Variants in SLC9B1 observed in about 807,000 individuals in gnomAD.
SLC9B1 encodes sodium/hydrogen exchanger 9B1.
A neutral mutation model predicts 51.7 loss-of-function variants in SLC9B1; 32 were observed. The observed-to-expected ratio is 0.62, with a 90% CI of 0.47 to 0.83. The LOEUF (loss-of-function observed/expected upper bound fraction) is 0.83. Among genes scored for constraint, SLC9B1 ranks in the 40% least tolerant of loss-of-function variants. The pLI is 0.00. For synonymous variants in SLC9B1, 145 were observed against 212.7 expected, an observed-to-expected ratio of 0.68 and a Z score of 2.77; for missense variants, 406 against 613.2, an observed-to-expected ratio of 0.66 and a Z score of 3.57.
intron 1 of SLC9B1, among the ~76,000 whole-genome samples, chr4:102,997,607 TAA>T (rs1740295962): frequency 6.6e-6 from 1 of 152,148 alleles, no homozygotes; most frequent in Non-Finnish European, 1.5e-5. Flanking sequence ...TCAGCAAATA[TAA>T]GTTTTATTTC....
intron 9 of SLC9B1, among the ~76,000 whole-genome samples, chr4:102,908,104 A>G (rs1735142686): frequency 1.3e-5 from 2 of 152,304 alleles, no homozygotes; most frequent in African/African-American, 4.8e-5. Flanking sequence ...TTTAAAAAGA[A>G]GTATAATCTA....
chr4:102,896,476 A>C (rs961460330), downstream of SLC9B1, among the ~76,000 whole-genome samples: 8 of 152,224 alleles, frequency 5.3e-5, no homozygotes, highest in African/African-American at 1.9e-4. Flanking sequence ...AACTGGAAAG[A>C]GCAATAAAAA....
At chr4:102,964,688 A>T (rs556767943) in intron 3 of SLC9B1, among the ~76,000 whole-genome samples, 1 of 152,196 alleles carries the variant, frequency 6.6e-6, no homozygotes, top group African/African-American at 2.4e-5. Flanking sequence ...AGAATAAAGG[A>T]CAAAACCATA....
At chr4:103,005,722 C>A (rs568188221) in intron 1 of SLC9B1, among the ~76,000 whole-genome samples, 1 of 152,136 alleles carries the variant, frequency 6.6e-6, no homozygotes, top group African/African-American at 2.4e-5. Context: ...CAATTCTCAG[C>A]AAATTTAAAA....
chr4:102,974,567 C>T (rs1289020775), intron 3 of SLC9B1, among the ~76,000 whole-genome samples: 1 of 152,234 alleles, frequency 6.6e-6, no homozygotes, highest in Middle Eastern at 3.4e-3. Context: ...AAATGAACAA[C>T]TTCGTTGGCT....
At chr4:102,940,184 A>T (rs760568138) in intron 6 of SLC9B1, among the ~76,000 whole-genome samples, 6 of 152,210 alleles carry the variant, frequency 3.9e-5, no homozygotes, top group Non-Finnish European at 8.8e-5. Flanking sequence ...ATGTACAAAA[A>T]TCTGTAGCAT....
At chr4:102,923,540 A>G (rs1735993588) in intron 7 of SLC9B1, among the ~76,000 whole-genome samples, 1 of 152,332 alleles carries the variant, frequency 6.6e-6, no homozygotes, top group Non-Finnish European at 1.5e-5. Context: ...CCTATTCAAC[A>G]TAGTCTTGGA....
chr4:102,997,916 G>T (rs961235150), intron 1 of SLC9B1, among the ~76,000 whole-genome samples: 2 of 152,030 alleles, frequency 1.3e-5, no homozygotes, highest in African/African-American at 2.4e-5. Flanking sequence ...AAATTTAACT[G>T]TCATTCTTGC....
intron 1 of SLC9B1, among the ~76,000 whole-genome samples, chr4:103,001,661 C>G (rs1740530290): frequency 6.6e-6 from 1 of 151,344 alleles, no homozygotes; most frequent in Admixed American, 6.5e-5. Context: ...AACCATTCAA[C>G]AAGTCTCCAG....
At chr4:102,984,841 C>G (rs1739532812) in intron 3 of SLC9B1, among the ~76,000 whole-genome samples, 1 of 152,032 alleles carries the variant, frequency 6.6e-6, no homozygotes, top group Non-Finnish European at 1.5e-5. Flanking sequence ...TATAGTTTTG[C>G]CAGTTTTTAA....
chr4:103,013,596 T>C (rs577386112), intron 1 of SLC9B1, among the ~76,000 whole-genome samples: 40 of 152,344 alleles, frequency 2.6e-4, no homozygotes, highest in Admixed American at 2.4e-3. Flanking sequence ...CTATTTAGTA[T>C]ATCTAATTAC....
chr4:103,013,610 T>C (rs974903430), intron 1 of SLC9B1, among the ~76,000 whole-genome samples: 16 of 152,232 alleles, frequency 1.1e-4, no homozygotes, highest in Non-Finnish European at 1.9e-4. Flanking sequence ...TAATTACTTA[T>C]TGAATATCTC....
chr4:102,955,847 AAGAAAGAAAGAAAG>A (rs1421855668), intron 3 of SLC9B1, among the ~76,000 whole-genome samples: 8 of 74,780 alleles, frequency 1.1e-4, no homozygotes, highest in African/African-American at 6.0e-4. Context: ...GAGAGAGAGA[AAGAAAGAAAGAAAG>A]AAAGAAAGAA....
chr4:103,002,211 T>C (rs1008324920), intron 1 of SLC9B1, among the ~76,000 whole-genome samples: 3 of 152,212 alleles, frequency 2.0e-5, no homozygotes, highest in African/African-American at 7.2e-5. Flanking sequence ...ATATCAGGCA[T>C]ACCTTACCAT....
intron 3 of SLC9B1, among the ~76,000 whole-genome samples, chr4:102,959,440 A>T (rs1162690399): frequency 6.6e-6 from 1 of 152,218 alleles, no homozygotes; most frequent in Non-Finnish European, 1.5e-5. Flanking sequence ...AGAACATTGC[A>T]ATCTGTTAAG....
chr4:102,940,706 G>T (rs1337961919), intron 6 of SLC9B1, among the ~76,000 whole-genome samples: 1 of 152,170 alleles, frequency 6.6e-6, no homozygotes, highest in African/African-American at 2.4e-5. Flanking sequence ...TATAGAGTGG[G>T]AGAAAATCTT....
intron 7 of SLC9B1, chr4:102,911,969 C>A: frequency 5.2e-6 from 1 of 191,776 alleles, no homozygotes; most frequent in South Asian, 7.0e-5. Flanking sequence ...CCCATCTCTA[C>A]TAAAAATACA....
At chr4:102,987,336 CT>C (rs1258160974) in intron 3 of SLC9B1, among the ~76,000 whole-genome samples, 1 of 152,050 alleles carries the variant, frequency 6.6e-6, no homozygotes. Flanking sequence ...TAAAATCTTA[CT>C]ATCAGTTTTT....
chr4:102,911,334 T>G, intron 8 of SLC9B1, 97 bp downstream of exon 8: 1 of 799,344 alleles, frequency 1.3e-6, no homozygotes, highest in Admixed American at 2.6e-5. Context: ...TTTAGAGAAA[T>G]AGAATTAAGT....
Sources: allele counts gnomAD v4.1 joint callset (sites outside exome capture counted in the v4.1 genomes callset), GRCh38; gene constraint gnomAD v4.1.1; transcripts MANE v1.5; gene names NCBI Gene and HGNC (gene_info 2026-07-23, HGNC 2026-07-21).